LRP12: variants seen among roughly 807,000 people sequenced by gnomAD.
The protein encoded by LRP12 is LDL receptor related protein 12.
In LRP12, 14 loss-of-function variants were observed where a neutral mutation model predicts 66.0. The observed-to-expected ratio is 0.21, with a 90% CI of 0.14 to 0.33. The LOEUF (loss-of-function observed/expected upper bound fraction) is 0.33, where lower values mean the gene tolerates loss of function less well. LRP12 is among the 10% of genes least tolerant of loss of function. The pLI is 1.00. For synonymous variants in LRP12, 357 were observed against 359.1 expected (o/e 0.99, Z 0.07); for missense variants, 889 against 1,053.4 (o/e 0.84, Z 2.16).
intron 1 of LRP12, among the ~76,000 whole-genome samples, chr8:104,541,255 AC>A (rs2140870905): frequency 6.6e-6 from 1 of 152,290 alleles, no homozygotes; most frequent in Non-Finnish European, 1.5e-5. Context: ...ATCTTTATGC[AC>A]CCTACTGCTG....
At chr8:104,527,721 T>C (rs373260124) in intron 2 of LRP12, among the ~76,000 whole-genome samples, 2 of 152,084 alleles carry the variant, frequency 1.3e-5, no homozygotes, top group East Asian at 1.9e-4. Context: ...TTAGGAGATA[T>C]ATCTAATGCT....
chr8:104,514,478 G>A (rs1257773274), intron 2 of LRP12, among the ~76,000 whole-genome samples: 2 of 151,540 alleles, frequency 1.3e-5, no homozygotes, highest in African/African-American at 2.4e-5. Flanking sequence ...GGAGGCCGAG[G>A]CGGGTGGATA....
At chr8:104,587,795 A>G (rs1812357274) in intron 1 of LRP12, among the ~76,000 whole-genome samples, 1 of 152,234 alleles carries the variant, frequency 6.6e-6, no homozygotes, top group African/African-American at 2.4e-5. Context: ...ACTTTTTATA[A>G]GTAAAATTTA....
chr8:104,586,428 T>C (rs556293499), intron 1 of LRP12, among the ~76,000 whole-genome samples: 20 of 152,372 alleles, frequency 1.3e-4, no homozygotes, highest in African/African-American at 4.6e-4. Flanking sequence ...AACCTGCTTT[T>C]CTTTGTTAAC....
chr8:104,516,072 T>C (rs1440879961), intron 2 of LRP12, among the ~76,000 whole-genome samples: 1 of 152,202 alleles, frequency 6.6e-6, no homozygotes, highest in Non-Finnish European at 1.5e-5. Context: ...CTTTTTGTTT[T>C]ACAAACATCA....
At chr8:104,588,722 G>T in intron 1 of LRP12, 97 bp downstream of exon 1, 1 of 1,011,132 alleles carries the variant, frequency 9.9e-7, no homozygotes, top group Non-Finnish European at 1.5e-6. Flanking sequence ...CAGGGTCTCC[G>T]CGGGAGTCTC....
chr8:104,588,953 G>T lies in LRP12; in HGVS notation c.-56C>A. The T allele has an allele frequency of 7.9e-7, 1 of 1,260,970 alleles. No individual in the cohort carries two copies. The highest frequency in any genetic ancestry group is 1.1e-6 in the Non-Finnish European group (1 of 916,432). 78.1% of individuals were successfully genotyped at this position (1,260,970 alleles called of 1,614,324 possible). On this transcript the variant is annotated 5_prime_UTR_variant, in exon 1 of 7. Transcript: ENST00000276654. ...GACGGAGGAGGAGGGAGGAGAAGCTGGAGGTAGACGACGCCGACGCCGCCG... is the reference window on the plus strand; with the variant it reads ...GACGGAGGAGGAGGGAGGAGAAGCTTGAGGTAGACGACGCCGACGCCGCCG...
At chr8:104,530,901 G>A (rs1347753932) in intron 2 of LRP12, among the ~76,000 whole-genome samples, 1 of 152,058 alleles carries the variant, frequency 6.6e-6, no homozygotes, top group Admixed American at 6.6e-5. Flanking sequence ...TTAAAAAAGT[G>A]AAACAAACTA....
In LRP12 at chr8:104,518,615, A is replaced by G. The variant is rs188293316; in HGVS notation, c.137-9541T>C. Among the ~76,000 whole-genome samples the G allele has an allele frequency of 9.6e-4, 146 of 152,228 alleles. 1 individual carries two copies. Among genetic ancestry groups the G allele is most frequent in the African/African-American group, 3.4e-3 (143 of 41,574 alleles). On this transcript the variant is annotated intron_variant, in intron 2 of 6. Coordinates refer to ENST00000276654, the MANE Select transcript of LRP12 (RefSeq NM_013437.5). ...TAATCTATAATAACACAGAGAAAAT[A>G]AGTATAGTTAGTAGTTTTAAAGCTT...
chr8:104,581,652 T>A (rs949784338), intron 1 of LRP12, among the ~76,000 whole-genome samples: 2 of 152,118 alleles, frequency 1.3e-5, no homozygotes, highest in African/African-American at 4.8e-5. Context: ...GTACTTTAGA[T>A]AAGTCACTCT....
chr8:104,573,410 T>A (rs1224741248), intron 1 of LRP12, among the ~76,000 whole-genome samples: 4 of 152,160 alleles, frequency 2.6e-5, no homozygotes, highest in Non-Finnish European at 5.9e-5. Flanking sequence ...GCTCCTGCCT[T>A]CAGATGTGAG....
At chr8:104,561,442 T>G (rs996660124) in intron 1 of LRP12, among the ~76,000 whole-genome samples, 2 of 152,230 alleles carry the variant, frequency 1.3e-5, no homozygotes, top group Non-Finnish European at 2.9e-5. Context: ...CATCCACTGA[T>G]GATCACAGCC....
chr8:104,497,048 G>A lies in LRP12; in HGVS notation c.1504C>T (p.Leu502Phe). Residue 502 changes from leucine (L) to phenylalanine (F), a missense_variant, in exon 5 of 7, where the codon CTC becomes TTC. Physicochemically the swap from Leu to Phe is conservative, Grantham distance 22. Coordinates refer to ENST00000276654, the MANE Select transcript of LRP12 (RefSeq NM_013437.5). The surrounding 1 kb of genome is among the most constrained non-coding windows in gnomAD (Gnocchi z 4.3). ...RVITAAVIGS[L>F]ICGLLLVIAL... Reference sequence around the variant, plus strand: ...ATGACGAGTAACAGGCCACAGATGAGGCTCCCTATGACGGCAGCAGTGATG... The same window carrying A: ...ATGACGAGTAACAGGCCACAGATGAAGCTCCCTATGACGGCAGCAGTGATG... 6.2e-7 allele frequency: 1 copy of A among 1,602,878 alleles called. No individual in the cohort carries two copies. The highest frequency in any genetic ancestry group is 8.5e-7 in the Non-Finnish European group (1 of 1,174,558).
At chr8:104,547,762 A>G (rs1296517082) in intron 1 of LRP12, among the ~76,000 whole-genome samples, 2 of 127,264 alleles carry the variant, frequency 1.6e-5, no homozygotes, top group African/African-American at 6.0e-5. Flanking sequence ...ATAATATATA[A>G]TTCTATATTA....
At chr8:104,575,989 T>C (rs755850772) in intron 1 of LRP12, among the ~76,000 whole-genome samples, 5 of 152,060 alleles carry the variant, frequency 3.3e-5, no homozygotes, top group South Asian at 4.1e-4. Flanking sequence ...TAAGTATTAA[T>C]AGCAGAACAG....
At chr8:104,517,884 G>A (rs953699442) in intron 2 of LRP12, among the ~76,000 whole-genome samples, 5 of 152,080 alleles carry the variant, frequency 3.3e-5, no homozygotes, top group African/African-American at 1.2e-4. Context: ...GGATTGAATG[G>A]CCATATGGGA....
chr8:104,527,843 G>T (rs893969049), intron 2 of LRP12, among the ~76,000 whole-genome samples: 1 of 149,984 alleles, frequency 6.7e-6, no homozygotes, highest in Non-Finnish European at 1.5e-5. Context: ...TAAAAACAAA[G>T]AAAAAAAAAG....
chr8:104,583,980 T>G (rs1437726883), intron 1 of LRP12, among the ~76,000 whole-genome samples: 3 of 152,054 alleles, frequency 2.0e-5, no homozygotes, highest in Non-Finnish European at 4.4e-5. Context: ...AATACAGTAT[T>G]GAAATAATAT....
At position 104,490,538 on chromosome 8, in the gene LRP12, C is replaced by T. The variant is rs775588055; in HGVS notation, c.*135G>A. On this transcript the variant is annotated 3_prime_UTR_variant, in exon 7 of 7. Coordinates refer to ENST00000276654, the MANE Select transcript of LRP12 (RefSeq NM_013437.5). ...TTACAAGTTGTCGAATTTAACCATG[C>T]AGGCTAACATATAATAATAAGAAAT... 16 of 996,284 alleles carry T rather than the reference C, an allele frequency of 1.6e-5. No homozygotes were observed. Among genetic ancestry groups the T allele is most frequent in the Non-Finnish European group, 2.2e-5 (15 of 689,922 alleles). The allele number at this position is 996,284 out of a possible 1,614,324, so 61.7% of individuals were successfully genotyped here.
Sources: gnomAD v4.1 joint callset for allele counts (sites outside exome capture counted in the v4.1 genomes callset) on GRCh38, gnomAD v4.1.1 for gene constraint, Gnocchi (gnomAD v3.1) non-coding constraint, MANE v1.5 for transcripts, NCBI Gene and HGNC (gene_info 2026-07-23, HGNC 2026-07-21) for gene names.